EXTL3: variants seen among roughly 807,000 people sequenced by gnomAD.
EXTL3 encodes exostosin-like 3.
In EXTL3, 27 loss-of-function variants were observed where a neutral mutation model predicts 69.3. That is an observed-to-expected ratio of 0.39 (90% CI 0.29 to 0.54). EXTL3 has a LOEUF of 0.54. Among genes scored for constraint, EXTL3 ranks in the 20% least tolerant of loss-of-function variants. EXTL3 has a pLI of 0.69. For synonymous variants in EXTL3, 511 were observed against 499.4 expected, an observed-to-expected ratio of 1.02 and a Z score of -0.31; for missense variants, 1,003 against 1,231.8, an observed-to-expected ratio of 0.81 and a Z score of 2.78.
At position 28,617,255 on chromosome 8, in the gene EXTL3, TC is replaced by T. The variant is rs530545535; in HGVS notation, n.314+9498del. ...AAAGAAGATGGGGCAGCTTCCTTCC[TC>T]ATTTTTCATGGGGATGGCCCGTGAC... On this transcript the variant is annotated intron_variant and non_coding_transcript_variant, in intron 2 of 4. Transcript: ENST00000522725. 1.9e-4 allele frequency among the ~76,000 whole-genome samples: 29 copies of T among 152,274 alleles called. No individual in the cohort carries two copies. The East Asian group carries it at 4.6e-3, about 24-fold the overall frequency.
intron 1 of EXTL3, among the ~76,000 whole-genome samples, chr8:28,654,564 G>A (rs931539941): frequency 6.6e-6 from 1 of 151,548 alleles, no homozygotes; most frequent in African/African-American, 2.4e-5. Context: ...TAAAGATGGG[G>A]TCTTACTATG....
chr8:28,712,688 T>TCCTTCCTAA (rs1424377709), intron 1 of EXTL3, among the ~76,000 whole-genome samples: 1 of 152,232 alleles, frequency 6.6e-6, no homozygotes, highest in Non-Finnish European at 1.5e-5. Context: ...CTCATGCTAT[T>TCCTTCCTAA]GGACATGGAT....
At chr8:28,714,117 G>T (rs138181136) in intron 2 of EXTL3, among the ~76,000 whole-genome samples, 2,208 of 151,952 alleles carry the variant, frequency 0.015, 42 homozygotes, top group African/African-American at 0.051. Flanking sequence ...TGTTGGCCAG[G>T]CTGGTCTCAA....
rs138716586 is a variant in EXTL3, at chr8:28,754,099, G to A, written c.*3233G>A. 2 of 152,544 alleles carry A rather than the reference G, an allele frequency of 1.3e-5. No individual in the cohort carries two copies. The highest frequency in any genetic ancestry group is 2.9e-5 in the Non-Finnish European group (2 of 68,376). The allele number at this position is 152,544 out of a possible 1,614,324, so 9.4% of individuals were successfully genotyped here. On this transcript the variant is annotated 3_prime_UTR_variant, in exon 7 of 7. Transcript: ENST00000220562. Reference sequence around the variant, plus strand: ...GAGCTGTGTGTGCCTGCGATCCCAGGACAGGTGAGGCCTCACTGTGAATGG... The same window carrying A: ...GAGCTGTGTGTGCCTGCGATCCCAGAACAGGTGAGGCCTCACTGTGAATGG...
chr8:28,624,095 G>C (rs1041149030), intron 1 of EXTL3, among the ~76,000 whole-genome samples: 23 of 152,168 alleles, frequency 1.5e-4, no homozygotes, highest in African/African-American at 5.5e-4. Context: ...CCCAGGGAAA[G>C]GAGATAAGTC....
At chr8:28,643,410 T>G (rs1016894281) in intron 1 of EXTL3, among the ~76,000 whole-genome samples, 1 of 138,148 alleles carries the variant, frequency 7.2e-6, no homozygotes, top group African/African-American at 2.9e-5. Flanking sequence ...CCTGCTTTCT[T>G]TTTTTTTCTT....
At chr8:28,725,497 T>A (rs1382008546) in intron 3 of EXTL3, among the ~76,000 whole-genome samples, 1 of 152,240 alleles carries the variant, frequency 6.6e-6, no homozygotes, top group Non-Finnish European at 1.5e-5. Flanking sequence ...TGTTTACCTA[T>A]AATTTTGATC....
intron 6 of EXTL3, among the ~76,000 whole-genome samples, chr8:28,747,503 G>A (rs1428137375): frequency 1.3e-5 from 2 of 152,112 alleles, no homozygotes; most frequent in African/African-American, 2.4e-5. Context: ...TAAGTTATGG[G>A]ATGTGTCTTT....
chr8:28,629,757 T>C (rs1412270515), intron 1 of EXTL3, among the ~76,000 whole-genome samples: 2 of 152,122 alleles, frequency 1.3e-5, no homozygotes, highest in Non-Finnish European at 2.9e-5. Flanking sequence ...TGGAATCCTG[T>C]TGGTGTAACT....
chr8:28,632,205 A>T (rs11995848), intron 1 of EXTL3, among the ~76,000 whole-genome samples: 1,919 of 151,214 alleles, frequency 0.013, 52 homozygotes, highest in African/African-American at 0.045. Flanking sequence ...TCAGGAGTTC[A>T]AGACCAGCCT....
chr8:28,704,186 T>G (rs186097908), intron 1 of EXTL3, among the ~76,000 whole-genome samples: 3 of 152,206 alleles, frequency 2.0e-5, no homozygotes, highest in Admixed American at 2.0e-4. Flanking sequence ...CATACTTCCC[T>G]CTCCCACAGT....
intron 1 of EXTL3, among the ~76,000 whole-genome samples, chr8:28,662,162 C>A (rs1807127178): frequency 6.6e-6 from 1 of 151,918 alleles, no homozygotes; most frequent in East Asian, 1.9e-4. Flanking sequence ...TTCCTGCCAT[C>A]ATCCATTAAA....
At chr8:28,633,356 T>TA (rs1173498972) in intron 1 of EXTL3, among the ~76,000 whole-genome samples, 2 of 151,106 alleles carry the variant, frequency 1.3e-5, no homozygotes, top group South Asian at 2.1e-4. Flanking sequence ...ATAATAAAAA[T>TA]AAAAAAATAA....
chr8:28,666,990 C>G (rs1414147954), intron 1 of EXTL3, among the ~76,000 whole-genome samples: 1 of 152,234 alleles, frequency 6.6e-6, no homozygotes, highest in African/African-American at 2.4e-5. Context: ...GGAGAGTCCT[C>G]TGGCAGACTC....
chr8:28,613,634 G>A (rs1563424644), intron 2 of EXTL3, among the ~76,000 whole-genome samples: 1 of 152,162 alleles, frequency 6.6e-6, no homozygotes, highest in African/African-American at 2.4e-5. Flanking sequence ...GTTTTGGAAG[G>A]TTAATAATTA....
chr8:28,725,564 T>A (rs1801395206), intron 3 of EXTL3, among the ~76,000 whole-genome samples: 1 of 152,224 alleles, frequency 6.6e-6, no homozygotes, highest in Non-Finnish European at 1.5e-5. Flanking sequence ...AGGGCTAAAT[T>A]ATGTTCTATT....
At chr8:28,613,700 TG>T (rs1354315458) in intron 2 of EXTL3, among the ~76,000 whole-genome samples, 1 of 152,234 alleles carries the variant, frequency 6.6e-6, no homozygotes, top group African/African-American at 2.4e-5. Flanking sequence ...CTTCTCCTTA[TG>T]TGAGTTCAAG....
At chr8:28,708,394 C>G (rs1298379173) in intron 1 of EXTL3, among the ~76,000 whole-genome samples, 3 of 139,342 alleles carry the variant, frequency 2.2e-5, no homozygotes, top group South Asian at 2.4e-4. Context: ...AGAGCTTACT[C>G]TTTATCTACA....
chr8:28,714,725 A>G (rs1360550664), intron 2 of EXTL3, among the ~76,000 whole-genome samples: 1 of 152,268 alleles, frequency 6.6e-6, no homozygotes, highest in Non-Finnish European at 1.5e-5. Flanking sequence ...AGCCAGTGGC[A>G]GTGAAGCTTG....
Sources: allele counts gnomAD v4.1 joint callset (sites outside exome capture counted in the v4.1 genomes callset), GRCh38; gene constraint gnomAD v4.1.1; transcripts MANE v1.5; gene names NCBI Gene and HGNC (gene_info 2026-07-23, HGNC 2026-07-21).